The following MORN1 variants were observed in gnomAD, a reference collection of about 807,000 sequenced individuals.
MORN1 encodes MORN repeat-containing protein 1.
MORN1 carries 67 observed loss-of-function variants against 61.9 expected under a neutral mutation model. The observed-to-expected ratio is 1.08, with a 90% CI of 0.89 to 1.33. MORN1 has a LOEUF of 1.33. MORN1 is among the 40% of genes most tolerant of loss of function. The pLI is 0.00. For synonymous variants in MORN1, 301 were observed against 292.0 expected (o/e 1.03, Z -0.31); for missense variants, 752 against 691.2 (o/e 1.09, Z -0.99).
chr1:2,376,592 C>T (rs1340942656), intron 6 of MORN1: 2 of 152,250 alleles, frequency 1.3e-5, no homozygotes, highest in Non-Finnish European at 2.9e-5. Context: ...CAGAGCCCGC[C>T]TTTGGGGTGA....
chr1:2,357,556 A>G lies in MORN1; in HGVS notation c.912T>C (p.Ala304=). 1 of 1,611,898 alleles carries G rather than the reference A, an allele frequency of 6.2e-7. No individual in the cohort carries two copies. Among genetic ancestry groups the G allele is most frequent in the Non-Finnish European group, 8.5e-7 (1 of 1,179,206 alleles). The change falls in exon 10 of 14, where the codon GCT becomes GCC. Residue 304 remains alanine, a synonymous_variant. Coordinates refer to ENST00000378531, the MANE Select transcript of MORN1 (RefSeq NM_024848.3). The surrounding 1 kb of genome is among the most constrained non-coding windows in gnomAD (Gnocchi z 6.3). ...TGGCAGCTCTGGGCCCCGGCACCCC[A>G]GCTGCGGGGCTGGACACAGGATAAG... ...CIPYPVSSPA[A]GVPGPRAAKG...
chr1:2,358,772 G>T (rs899479346), intron 8 of MORN1, 57 bp from the exon 9 acceptor site: 7 of 1,557,090 alleles, frequency 4.5e-6, no homozygotes, highest in Non-Finnish European at 5.2e-6. Context: ...AGCGGGGTGC[G>T]CGGGCCCGGG....
chr1:2,343,293 G>A (rs1057140319), intron 10 of MORN1, among the ~76,000 whole-genome samples: 28 of 152,216 alleles, frequency 1.8e-4, no homozygotes, highest in Non-Finnish European at 5.9e-5. Context: ...CTCTCTCCGT[G>A]CCCGCCCGCT....
chr1:2,378,278 G>A (rs1642288749), intron 6 of MORN1: 1 of 152,778 alleles, frequency 6.5e-6, no homozygotes, highest in Non-Finnish European at 1.5e-5. Flanking sequence ...TCCACATGAG[G>A]CAAGCCGGCC....
Position 2,327,145 on chromosome 1 carries a change from CACAGAA to C in MORN1, c.1251-3008_1251-3003del, listed in dbSNP as rs758346315. ...AGAAACAAACACAGAAACACAGAGA[CACAGAA>C]ACAGAAACACACAGACAGAAACAAA... On this transcript the variant is annotated intron_variant, in intron 12 of 13. Coordinates refer to ENST00000378531, the MANE Select transcript of MORN1 (RefSeq NM_024848.3). Among the ~76,000 whole-genome samples, 73 of 72,214 alleles carry C rather than the reference CACAGAA, an allele frequency of 1.0e-3. 3 individuals carry two copies. Among genetic ancestry groups the C allele is most frequent in the African/African-American group, 4.5e-3 (39 of 8,608 alleles). 47.4% of individuals were successfully genotyped at this position (72,214 alleles called of 152,430 possible).
intron 10 of MORN1, among the ~76,000 whole-genome samples, chr1:2,353,205 G>GT (rs1263766256): frequency 6.6e-6 from 1 of 152,214 alleles, no homozygotes; most frequent in African/African-American, 2.4e-5. Flanking sequence ...CTTCGGTTTC[G>GT]TTTTTTTGAG....
At chr1:2,325,182 CCTTCCTTCA>C (rs1478246128) in intron 12 of MORN1, among the ~76,000 whole-genome samples, 8 of 115,594 alleles carry the variant, frequency 6.9e-5, no homozygotes, top group East Asian at 2.4e-4. Context: ...TCCTTCCTTC[CCTTCCTTCA>C]CTTCCTTCTT....
intron 12 of MORN1, among the ~76,000 whole-genome samples, chr1:2,326,893 C>A (rs1328482190): frequency 6.6e-6 from 1 of 152,214 alleles, no homozygotes; most frequent in Non-Finnish European, 1.5e-5. Context: ...GCGACCCGGG[C>A]CTCACCCAGG....
At chr1:2,325,110 T>TTCCC (rs1471530243) in intron 12 of MORN1, among the ~76,000 whole-genome samples, 3,137 of 45,842 alleles carry the variant, frequency 0.068, 428 homozygotes, top group African/African-American at 0.2. Context: ...TCCCCTTTCC[T>TTCCC]TCCCTTCCTT....
intron 12 of MORN1, 106 bp downstream of exon 12, chr1:2,336,363 A>T: frequency 8.6e-7 from 1 of 1,161,146 alleles, no homozygotes; most frequent in South Asian, 1.5e-5. Flanking sequence ...GTCTTCCCAG[A>T]CCAGGCCCTT....
chr1:2,345,855 A>ACAC (rs1557875132), intron 10 of MORN1, among the ~76,000 whole-genome samples: 3 of 98,792 alleles, frequency 3.0e-5, no homozygotes, highest in Non-Finnish European at 7.7e-5. Context: ...ACACACACAC[A>ACAC]GATGTTTGCT....
Position 2,372,157 on chromosome 1 carries a change from G to A in MORN1, c.745+324C>T, listed in dbSNP as rs937758102. The A allele has an allele frequency of 4.9e-5, 13 of 264,086 alleles. No homozygotes were observed. In the East Asian group the frequency reaches 1.1e-3, roughly 23 times the overall value. 16.4% of individuals were successfully genotyped at this position (264,086 alleles called of 1,614,324 possible). A position where few individuals can be genotyped will look rare whatever the true frequency, so the allele number is the denominator to read the frequency against. ...TCCTCCTAAAAAGGAAGGACACTCTGACACACGTGCACGCGTGCCCCCCCA... is the reference window on the plus strand; with the variant it reads ...TCCTCCTAAAAAGGAAGGACACTCTAACACACGTGCACGCGTGCCCCCCCA... On this transcript the variant is annotated intron_variant, in intron 8 of 13. Coordinates refer to ENST00000378531, the MANE Select transcript of MORN1 (RefSeq NM_024848.3). The surrounding 1 kb of genome is among the most constrained non-coding windows in gnomAD (Gnocchi z 5.4).
At chr1:2,335,537 G>A (rs1180044529) in intron 12 of MORN1, among the ~76,000 whole-genome samples, 4 of 152,164 alleles carry the variant, frequency 2.6e-5, no homozygotes, top group Non-Finnish European at 4.4e-5. Flanking sequence ...CTTGCCCAAG[G>A]CCCCCGGTGC....
rs1641805474 is a variant in MORN1, at chr1:2,357,642, A to G, written c.870-44T>C. On this transcript the variant is annotated intron_variant, in intron 9 of 13. Transcript: ENST00000378531. The surrounding 1 kb of genome is among the most constrained non-coding windows in gnomAD (Gnocchi z 6.3). ...AGCTTGGCTCTACTCACCCCACACC[A>G]AACTAGGGTGCAGGCAGACAGCGTG... 1 of 1,537,630 alleles carries G rather than the reference A, an allele frequency of 6.5e-7. No homozygotes were observed. Among genetic ancestry groups the G allele is most frequent in the Non-Finnish European group, 8.8e-7 (1 of 1,137,710 alleles).
intron 13 of MORN1, chr1:2,322,485 T>G (rs1318508850): frequency 1.0e-6 from 1 of 985,124 alleles, no homozygotes; most frequent in Non-Finnish European, 1.2e-6. Flanking sequence ...CGCCTGTGCG[T>G]TCCCAGGGCT....
rs1045739226 is a variant in MORN1, at chr1:2,334,260, G to A, written c.1250+2209C>T. 6.6e-6 allele frequency among the ~76,000 whole-genome samples: 1 copy of A among 152,076 alleles called. No individual in the cohort carries two copies. The highest frequency in any genetic ancestry group is 2.4e-5 in the African/African-American group (1 of 41,394). On this transcript the variant is annotated intron_variant, in intron 12 of 13. Transcript: ENST00000378531. This position sits in a 1 kb window ranked among gnomAD's most constrained non-coding sequence, Gnocchi z 5.4. ...TGGGGGGGCAGCAGGTGTAAGAACG[G>A]TAAGGGATCACGTGGCTACAAGGAA...
At chr1:2,347,043 C>CTCTTGGGAGATGGGGAACT (rs1364101950) in intron 10 of MORN1, among the ~76,000 whole-genome samples, 1 of 152,118 alleles carries the variant, frequency 6.6e-6, no homozygotes, top group Admixed American at 6.5e-5. Context: ...GACATGGGGA[C>CTCTTGGGAGATGGGGAACT]TCTTGGGAGA....
At position 2,388,309 on chromosome 1, in the gene MORN1, G is replaced by A; in HGVS notation, c.177C>T (p.Gly59=). ...HGHGKLLFKD[G]SYYEGAFVDG... Reference sequence around the variant, plus strand: ...CCACAAACGCCCCTTCGTAATAACTGCCATCTTTAAATAACAACTTCCCGT... The same window carrying A: ...CCACAAACGCCCCTTCGTAATAACTACCATCTTTAAATAACAACTTCCCGT... Residue 59 remains glycine (G), a synonymous_variant, in exon 3 of 14, where the codon GGC becomes GGT. Transcript: ENST00000378531. 6.2e-7 allele frequency: 1 copy of A among 1,613,962 alleles called. No homozygotes were observed. The highest frequency in any genetic ancestry group is 8.5e-7 in the Non-Finnish European group (1 of 1,179,982).
rs887176470 is a variant in MORN1 at position 2,323,899 on chromosome 1, C to T, written c.1297+198G>A. ...AGCTTCAAATCTTTCTGGACCGTCC[C>T]CAGCCCCCAAGCCACCAGCCCCCTT... On this transcript the variant is annotated intron_variant, in intron 13 of 13. Coordinates refer to ENST00000378531, the MANE Select transcript of MORN1 (RefSeq NM_024848.3). The T allele has an allele frequency of 1.6e-5, 16 of 985,076 alleles. No homozygotes were observed. In the African/African-American group the frequency reaches 2.6e-4, roughly 16 times the overall value. The allele number at this position is 985,076 out of a possible 1,614,324, so 61.0% of individuals were successfully genotyped here.
Sources: gnomAD v4.1 joint callset for allele counts (sites outside exome capture counted in the v4.1 genomes callset) on GRCh38, gnomAD v4.1.1 for gene constraint, Gnocchi (gnomAD v3.1) non-coding constraint, MANE v1.5 for transcripts, NCBI Gene and HGNC (gene_info 2026-07-23, HGNC 2026-07-21) for gene names.